RNF43: variants seen among roughly 807,000 people sequenced by gnomAD.
The protein encoded by RNF43 is ring finger protein 43, also known as E3 ubiquitin-protein ligase RNF43.
Under a neutral mutation model 78.4 loss-of-function variants are expected in RNF43, and 37 were observed. The ratio of observed to expected loss-of-function variants is 0.47; its 90% CI spans 0.36 to 0.62. The LOEUF is 0.62. Ranked by LOEUF, RNF43 falls within the 20% of genes least tolerant of loss-of-function variation. The pLI is 0.00. For missense variants in RNF43, 774 were observed against 1,007.9 expected, an observed-to-expected ratio of 0.77 and a Z score of 3.14; for synonymous variants, 347 against 395.0, an observed-to-expected ratio of 0.88 and a Z score of 1.44.
chr17:58,362,729 AG>A, intron 5 of RNF43, 81 bp from the exon 6 acceptor site: 1 of 1,090,426 alleles, frequency 9.2e-7, no homozygotes, highest in Non-Finnish European at 1.3e-6. Context: ...GGAGCCCGGG[AG>A]GCACATAGCT....
At chr17:58,395,691 C>T (rs1973665696) in intron 2 of RNF43, among the ~76,000 whole-genome samples, 1 of 152,174 alleles carries the variant, frequency 6.6e-6, no homozygotes. Flanking sequence ...AAGGTGGTTT[C>T]TCTAGCTAAA....
intron 2 of RNF43, among the ~76,000 whole-genome samples, chr17:58,410,893 A>T (rs139902884): frequency 1.3e-5 from 2 of 152,282 alleles, no homozygotes; most frequent in African/African-American, 4.8e-5. Context: ...CTGGAAATAA[A>T]TTTTTTATAC....
intron 2 of RNF43, among the ~76,000 whole-genome samples, chr17:58,374,829 G>A (rs750385098): frequency 5.8e-4 from 88 of 152,046 alleles, no homozygotes; most frequent in Non-Finnish European, 1.1e-3. Flanking sequence ...AACCCTGGAC[G>A]TTTCTACCTT....
At chr17:58,374,107 C>T (rs1265676080) in intron 2 of RNF43, among the ~76,000 whole-genome samples, 1 of 151,748 alleles carries the variant, frequency 6.6e-6, no homozygotes, top group Non-Finnish European at 1.5e-5. Flanking sequence ...TGTTATTGTT[C>T]CCATTTTAAA....
chr17:58,378,847 T>C (rs374057001), intron 2 of RNF43, among the ~76,000 whole-genome samples: 2 of 152,202 alleles, frequency 1.3e-5, no homozygotes, highest in South Asian at 4.1e-4. Context: ...CTGAGCTCAC[T>C]GAAACTCCAG....
At chr17:58,363,126 C>G (rs905060773) in intron 5 of RNF43, 149 bp downstream of exon 5, 9 of 974,610 alleles carry the variant, frequency 9.2e-6, no homozygotes, top group Non-Finnish European at 1.2e-5. Context: ...GAAAACTTGC[C>G]CAGAGGCACA....
intron 2 of RNF43, among the ~76,000 whole-genome samples, chr17:58,398,841 T>C (rs1973737068): frequency 6.6e-6 from 1 of 152,240 alleles, no homozygotes; most frequent in African/African-American, 2.4e-5. Context: ...ATAGTGAATG[T>C]TTATCCTTGT....
At chr17:58,369,430 A>C (rs552033935) in intron 3 of RNF43, among the ~76,000 whole-genome samples, 2 of 152,338 alleles carry the variant, frequency 1.3e-5, no homozygotes, top group East Asian at 3.9e-4. Flanking sequence ...ATGAGGTAAG[A>C]ACCCAGGCTG....
At chr17:58,370,202 G>A (rs1973057942) in intron 3 of RNF43, among the ~76,000 whole-genome samples, 1 of 151,466 alleles carries the variant, frequency 6.6e-6, no homozygotes, top group African/African-American at 2.4e-5. Flanking sequence ...CTGAGTAGCT[G>A]GGATTACAGG....
At position 58,357,003 on chromosome 17, in the gene RNF43, C is replaced by G. The variant is rs1972697575; in HGVS notation, c.2308+465G>C. ...CCGCCTCTTAGGTTCACGCGATTCT[C>G]CTGCCTCAGCCTCCTGAGTAGCTGG... On this transcript the variant is annotated intron_variant, in intron 9 of 9. Coordinates refer to ENST00000407977, the MANE Select transcript of RNF43 (RefSeq NM_017763.6). The surrounding 1 kb of genome is among the most constrained non-coding windows in gnomAD (Gnocchi z 4.5). 1.8e-6 allele frequency: 1 copy of G among 546,380 alleles called. No homozygotes were observed. Among genetic ancestry groups the G allele is most frequent in the African/African-American group, 1.9e-5 (1 of 51,802 alleles). The allele number at this position is 546,380 out of a possible 1,614,324, so 33.8% of individuals were successfully genotyped here. A position where few individuals can be genotyped will look rare whatever the true frequency, so the allele number is the denominator to read the frequency against.
intron 3 of RNF43, among the ~76,000 whole-genome samples, chr17:58,367,154 C>T (rs913927960): frequency 6.6e-6 from 1 of 152,054 alleles, no homozygotes; most frequent in African/African-American, 2.4e-5. Context: ...GTGCGTGCCA[C>T]CACGCCTGGC....
chr17:58,363,286 G>A lies in RNF43; in HGVS notation c.571C>T (p.Pro191Ser), dbSNP rs762889537. 4 of 1,613,764 alleles carry A rather than the reference G, an allele frequency of 2.5e-6. No homozygotes were observed. Among genetic ancestry groups the A allele is most frequent in the Non-Finnish European group, 2.5e-6 (3 of 1,180,002 alleles). The stretch of plus-strand genomic sequence containing the variant: ...TCTAGTGTGCTTACCCAGGCCGGGG[G>A]CTCCTTCAGCTCAATCCTCACATGG... The part of the protein sequence containing the change: ...KAHVRIELKE[P>S]PAWPDYDVWI... The change falls in exon 5 of 10, where the codon CCC becomes TCC. Residue 191 changes from proline (P) to serine (S), a missense_variant. Coordinates refer to ENST00000407977, the MANE Select transcript of RNF43 (RefSeq NM_017763.6).
chr17:58,413,444 G>A (rs767100421), intron 2 of RNF43, among the ~76,000 whole-genome samples: 10 of 152,160 alleles, frequency 6.6e-5, no homozygotes, highest in Non-Finnish European at 1.3e-4. Flanking sequence ...CGAAGCATAT[G>A]TGGACAGAAA....
chr17:58,357,418 C>T lies in RNF43; in HGVS notation c.2308+50G>A, dbSNP rs1972707838. The T allele has an allele frequency of 1.9e-6, 3 of 1,611,198 alleles. No homozygotes were observed. Among genetic ancestry groups the T allele is most frequent in the Non-Finnish European group, 2.5e-6 (3 of 1,177,358 alleles). The stretch of plus-strand genomic sequence containing the variant: ...CTGACTTCACCTGTCCTGAAATATT[C>T]AGCTGTAGTCTCCTCTCCCTACCAC... On this transcript the variant is annotated intron_variant, in intron 9 of 9. Transcript: ENST00000407977. This position sits in a 1 kb window ranked among gnomAD's most constrained non-coding sequence, Gnocchi z 4.5.
rs1043759647 is a variant in RNF43 at position 58,415,942 on chromosome 17, T to C, written c.-365A>G. 6.0e-6 allele frequency: 2 copies of C among 332,614 alleles called. No individual in the cohort carries two copies. Among genetic ancestry groups the C allele is most frequent in the South Asian group, 4.8e-5 (1 of 20,978 alleles). The allele number at this position is 332,614 out of a possible 1,614,324, so 20.6% of individuals were successfully genotyped here. On this transcript the variant is annotated 5_prime_UTR_variant, in exon 2 of 10. It adds an upstream start codon to the 5' untranslated region. Transcript: ENST00000407977. ...CAGATCACTTGGCATTGCTCTTCCA[T>C]ATGCATCAAGTTGCCAGGCACTAAA...
rs540010344 is a variant in RNF43, at chr17:58,394,956, A to C, written c.252+20370T>G. 14 of 152,352 alleles carry C rather than the reference A, an allele frequency of 9.2e-5. No individual in the cohort carries two copies. In the South Asian group the frequency reaches 2.9e-3, roughly 32 times the overall value. The allele number at this position is 152,352 out of a possible 1,614,324, so 9.4% of individuals were successfully genotyped here. ...ATGGTTCAGCTATTCCACCTTATCC[A>C]GAGAGTTGAAACTCCACCACAGAGC... On this transcript the variant is annotated intron_variant, in intron 2 of 9. Transcript: ENST00000407977.
intron 3 of RNF43, among the ~76,000 whole-genome samples, chr17:58,369,148 C>G (rs1016603715): frequency 6.6e-6 from 1 of 152,144 alleles, no homozygotes; most frequent in African/African-American, 2.4e-5. Flanking sequence ...AACTTGTTTA[C>G]CAAATGAATA....
intron 2 of RNF43, among the ~76,000 whole-genome samples, chr17:58,383,154 G>T (rs1973357694): frequency 6.6e-6 from 1 of 152,166 alleles, no homozygotes; most frequent in Admixed American, 6.5e-5. Flanking sequence ...CTTAGAATCA[G>T]TTCACTCTGG....
Position 58,362,626 on chromosome 17 carries a change from A to G in RNF43, c.605T>C (p.Leu202Pro), listed in dbSNP as rs765063633. 2 of 1,611,860 alleles carry G rather than the reference A, an allele frequency of 1.2e-6. No individual in the cohort carries two copies. Among genetic ancestry groups the G allele is most frequent in the Admixed American group, 1.7e-5 (1 of 59,800 alleles). The change falls in exon 6 of 10, where the codon CTA becomes CCA. Residue 202 changes from leucine to proline, a missense_variant. By Grantham distance (98) the Leu-to-Pro change is moderately conservative. Transcript: ENST00000407977. ...PAWPDYDVWI[L>P]MTVVGTIFVI... is the part of the protein sequence containing the mutation. ...AAAGATGGTGCCCACCACTGTCATTAGGATCCACACATCATAATCTGGCTG... is the reference window on the plus strand; with the variant it reads ...AAAGATGGTGCCCACCACTGTCATTGGGATCCACACATCATAATCTGGCTG...
Sources: allele counts gnomAD v4.1 joint callset (sites outside exome capture counted in the v4.1 genomes callset), GRCh38; gene constraint gnomAD v4.1.1; non-coding constraint Gnocchi (gnomAD v3.1); transcripts MANE v1.5; gene names NCBI Gene and HGNC (gene_info 2026-07-23, HGNC 2026-07-21).